ZNG1F: variants seen among roughly 807,000 people sequenced by gnomAD.
ZNG1F encodes Zn regulated GTPase metalloprotein activator 1F, also known as zinc-regulated GTPase metalloprotein activator 1F.
chr9:41,183,644 T>G, the ZNG1F span: 2 of 1,604,696 alleles, frequency 1.2e-6, no homozygotes. Flanking sequence ...CAGCTAAGGA[T>G]TTCTCCAGCG....
At chr9:41,184,598 TAA>T in the ZNG1F span, among the ~76,000 whole-genome samples, 393 of 148,368 alleles carry the variant, frequency 2.6e-3, 29 homozygotes, top group East Asian at 0.043. Context: ...GGTGAAGTTC[TAA>T]AAGTCCACTA....
chr9:41,204,759 G>T, the ZNG1F span, among the ~76,000 whole-genome samples: 3 of 40,958 alleles, frequency 7.3e-5, no homozygotes, highest in African/African-American at 1.6e-4. Context: ...TTTAATTTTG[G>T]TTAGATTATT....
chr9:41,166,298 G>A, the ZNG1F span, among the ~76,000 whole-genome samples: 600 of 126,254 alleles, frequency 4.8e-3, 3 homozygotes, highest in East Asian at 0.011. Flanking sequence ...GCATGGTGGC[G>A]GGTGCCTGTA....
At chr9:41,175,162 C>A in the ZNG1F span, among the ~76,000 whole-genome samples, 2 of 148,620 alleles carry the variant, frequency 1.3e-5, no homozygotes, top group African/African-American at 2.5e-5. Flanking sequence ...AAGCTGTCCA[C>A]CTGCTCTGAC....
At chr9:41,193,031 A>G in the ZNG1F span, among the ~76,000 whole-genome samples, 1 of 150,490 alleles carries the variant, frequency 6.6e-6, no homozygotes, top group South Asian at 2.1e-4. Flanking sequence ...CATTAAATGC[A>G]TTATCCCATT....
the ZNG1F span, among the ~76,000 whole-genome samples, chr9:41,173,431 G>A: frequency 1.4e-5 from 2 of 146,750 alleles, no homozygotes; most frequent in African/African-American, 4.9e-5. Context: ...TATTACTTTT[G>A]AAAAAGTAAG....
At chr9:41,166,473 T>A in the ZNG1F span, among the ~76,000 whole-genome samples, 2,799 of 96,818 alleles carry the variant, frequency 0.029, 12 homozygotes, top group Middle Eastern at 0.068. Context: ...TATATATATA[T>A]AAAATCTTCA....
chr9:41,193,494 C>T, the ZNG1F span, among the ~76,000 whole-genome samples: 43 of 149,548 alleles, frequency 2.9e-4, 4 homozygotes, highest in Admixed American at 1.3e-3. Flanking sequence ...CCAAAATAGA[C>T]GAGTTTTTTT....
chr9:41,166,569 G>A, the ZNG1F span, among the ~76,000 whole-genome samples: 4 of 120,724 alleles, frequency 3.3e-5, no homozygotes, highest in Non-Finnish European at 6.7e-5. Context: ...CCTGTGTTCA[G>A]CATTCACTTT....
the ZNG1F span, among the ~76,000 whole-genome samples, chr9:41,144,722 G>A: frequency 2.0e-5 from 3 of 147,784 alleles, no homozygotes; most frequent in Non-Finnish European, 4.5e-5. Context: ...AAAGCTCTAT[G>A]ATCTATGATC....
chr9:41,151,360 C>A, the ZNG1F span, among the ~76,000 whole-genome samples: 1 of 149,444 alleles, frequency 6.7e-6, no homozygotes. Context: ...GTGAAAAGAC[C>A]AAATCTACAT....
the ZNG1F span, among the ~76,000 whole-genome samples, chr9:41,154,651 A>G: frequency 6.8e-6 from 1 of 147,896 alleles, no homozygotes; most frequent in African/African-American, 2.5e-5. Context: ...TGGTACCAAA[A>G]CAGAGATATA....
At chr9:41,134,301 T>A in the ZNG1F span, among the ~76,000 whole-genome samples, 1 of 120,846 alleles carries the variant, frequency 8.3e-6, no homozygotes, top group Non-Finnish European at 1.8e-5. Context: ...TTGGCTTATC[T>A]TTAACTGAAT....
At chr9:41,200,758 A>C in the ZNG1F span, among the ~76,000 whole-genome samples, 2 of 152,202 alleles carry the variant, frequency 1.3e-5, no homozygotes, top group African/African-American at 4.8e-5. Context: ...GGCGGAAGGC[A>C]AAAGGCACAT....
At chr9:41,138,148 T>G in the ZNG1F span, among the ~76,000 whole-genome samples, 1 of 138,208 alleles carries the variant, frequency 7.2e-6, no homozygotes, top group African/African-American at 2.9e-5. Context: ...GTTTCAAGAT[T>G]TAGAGTTCCT....
the ZNG1F span, chr9:41,131,824 C>T: frequency 7.5e-6 from 3 of 400,270 alleles, no homozygotes; most frequent in Non-Finnish European, 1.3e-5. Context: ...TAAGGATATC[C>T]TTATCTAAAT....
chr9:41,131,850 A>T, the ZNG1F span: 1 of 392,402 alleles, frequency 2.5e-6, no homozygotes, highest in Non-Finnish European at 4.4e-6. Flanking sequence ...CCTGCAAACA[A>T]AACAAAATAT....
At chr9:41,150,423 C>A in the ZNG1F span, among the ~76,000 whole-genome samples, 2 of 138,680 alleles carry the variant, frequency 1.4e-5, no homozygotes, top group African/African-American at 2.7e-5. Flanking sequence ...CCCAGGCTTG[C>A]TTAGGTAAAC....
chr9:41,200,665 CAT>C, the ZNG1F span, among the ~76,000 whole-genome samples: 1 of 152,028 alleles, frequency 6.6e-6, no homozygotes, highest in African/African-American at 2.4e-5. Context: ...CTGATAAAGA[CAT>C]ACCTGAGACT....
Sources: gnomAD v4.1 joint callset for allele counts (sites outside exome capture counted in the v4.1 genomes callset) on GRCh38, gnomAD v4.1.1 for gene constraint, MANE v1.5 for transcripts, NCBI Gene and HGNC (gene_info 2026-07-23, HGNC 2026-07-21) for gene names.